Variants in ATG12 observed in about 807,000 individuals in gnomAD.
The protein encoded by ATG12 is autophagy related 12.
In ATG12, 19 loss-of-function variants were observed where a neutral mutation model predicts 17.6. That is an observed-to-expected ratio of 1.08 (90% CI 0.75 to 1.58). The LOEUF (loss-of-function observed/expected upper bound fraction) is 1.58. Among genes scored for constraint, ATG12 ranks in the 40% most tolerant of loss-of-function variants. ATG12 has a pLI of 0.00. For missense variants in ATG12, 214 were observed against 162.0 expected, an observed-to-expected ratio of 1.32 and a Z score of -1.74; for synonymous variants, 75 against 62.4, an observed-to-expected ratio of 1.20 and a Z score of -0.95.
rs1451211291 is a variant in ATG12 at position 115,828,843 on chromosome 5, A to T, written c.*2961T>A. 2 of 152,222 alleles carry T rather than the reference A, an allele frequency of 1.3e-5. No homozygotes were observed. Among genetic ancestry groups the T allele is most frequent in the Non-Finnish European group, 2.9e-5 (2 of 68,032 alleles). 9.4% of individuals were successfully genotyped at this position (152,222 alleles called of 1,614,324 possible). On this transcript the variant is annotated 3_prime_UTR_variant, in exon 4 of 4. Coordinates refer to ENST00000509910, the MANE Select transcript of ATG12 (RefSeq NM_004707.4). ...CATGGCTCTGAGGCAGTATGCAATA[A>T]GTGATTTAATAGTGGTAGTTTGCTC... is the stretch of plus-strand genomic sequence containing the variant.
intron 3 of ATG12, 108 bp downstream of exon 3, chr5:115,832,494 G>A: frequency 2.5e-6 from 3 of 1,210,652 alleles, no homozygotes; most frequent in Non-Finnish European, 3.2e-6. Flanking sequence ...ATAAAAATGT[G>A]AATTAACAAT....
chr5:115,833,310 C>T (rs1164009966), intron 2 of ATG12: 1 of 151,908 alleles, frequency 6.6e-6, no homozygotes, highest in Non-Finnish European at 1.5e-5. Flanking sequence ...ACTTTATTTG[C>T]AGGTAACATA....
Position 115,832,833 on chromosome 5 carries a change from C to T in ATG12, c.301-169G>A, listed in dbSNP as rs1760943805. 19 of 551,704 alleles carry T rather than the reference C, an allele frequency of 3.4e-5. 1 individual carries two copies. In the South Asian group the frequency reaches 9.0e-4, roughly 26 times the overall value. The allele number at this position is 551,704 out of a possible 1,614,324, so 34.2% of individuals were successfully genotyped here. ...AATTTAAAGAGATCATTACGAAGAT[C>T]TCATTTTTCCTCCAGAGGAATAAAA... On this transcript the variant is annotated intron_variant, in intron 2 of 3. Transcript: ENST00000509910.
chr5:115,833,605 G>A (rs910536595), intron 2 of ATG12: 1 of 152,080 alleles, frequency 6.6e-6, no homozygotes, highest in Non-Finnish European at 1.5e-5. Flanking sequence ...GGGTCTGTTA[G>A]GAAAGACAAA....
intron 2 of ATG12, among the ~76,000 whole-genome samples, chr5:115,836,515 C>G (rs1580569528): frequency 6.6e-6 from 1 of 152,204 alleles, no homozygotes; most frequent in South Asian, 2.1e-4. Flanking sequence ...CACTTGCAGC[C>G]AAACTCTTAG....
At chr5:115,834,981 G>A (rs1057196853) in intron 2 of ATG12, 3 of 151,980 alleles carry the variant, frequency 2.0e-5, no homozygotes, top group Non-Finnish European at 2.9e-5. Flanking sequence ...ACAGACTCTT[G>A]TCCAAAGGTT....
At position 115,841,437 on chromosome 5, in the gene ATG12, G is replaced by A. The variant is rs531952545; in HGVS notation, c.116C>T (p.Ala39Val). 10 of 1,610,096 alleles carry A rather than the reference G, an allele frequency of 6.2e-6. No homozygotes were observed. The South Asian group carries it at 8.8e-5, about 14-fold the overall frequency. ...TTTPEPPSSA[A>V]VSPGTEEPAG... ...AGGTTCCTCTGTTCCCGGGGAAACT[G>A]CAGCGGAAGACGGGGGCTCCGGGGT... Residue 39 changes from alanine (A) to valine (V), a missense_variant, in exon 1 of 4, where the codon GCA becomes GTA. Transcript: ENST00000509910.
At chr5:115,840,999 C>A (rs1358494702) in intron 1 of ATG12, 1 of 693,316 alleles carries the variant, frequency 1.4e-6, no homozygotes, top group Non-Finnish European at 2.2e-6. Flanking sequence ...CCAGGCTTTG[C>A]CAATGACCAC....
chr5:115,832,467 G>C, intron 3 of ATG12, 135 bp downstream of exon 3: 1 of 1,042,500 alleles, frequency 9.6e-7, no homozygotes, highest in African/African-American at 1.7e-5. Context: ...ATTAAGAATG[G>C]CATGCCATCT....
At chr5:115,838,789 C>G (rs1187207579) in intron 1 of ATG12, 1 of 152,154 alleles carries the variant, frequency 6.6e-6, no homozygotes, top group Non-Finnish European at 1.5e-5. Context: ...TTTGCTAAAA[C>G]AAAACAAACA....
intron 2 of ATG12, among the ~76,000 whole-genome samples, chr5:115,836,957 A>T (rs1761128054): frequency 6.6e-6 from 1 of 152,232 alleles, no homozygotes. Context: ...CTTTCACAAT[A>T]TATGGCAAAG....
chr5:115,834,607 T>C (rs1450569019), intron 2 of ATG12, among the ~76,000 whole-genome samples: 1 of 152,210 alleles, frequency 6.6e-6, no homozygotes, highest in Non-Finnish European at 1.5e-5. Flanking sequence ...ATTCTGGTTA[T>C]AAAGCTCTCT....
chr5:115,832,046 T>C (rs1760890395), intron 3 of ATG12, among the ~76,000 whole-genome samples, 183 bp from the exon 4 acceptor site: 1 of 152,222 alleles, frequency 6.6e-6, no homozygotes, highest in African/African-American at 2.4e-5. Context: ...CCTAAGTGTT[T>C]AATAAAATCT....
At position 115,828,331 on chromosome 5, in the gene ATG12, T is replaced by C. The variant is rs891468822; in HGVS notation, c.*3473A>G. The stretch of plus-strand genomic sequence containing the variant: ...TTTCAAGGTTTTTGATATTGCCAAA[T>C]GGCCCCCTAAAAGTGATATACCAAC... On this transcript the variant is annotated 3_prime_UTR_variant, in exon 4 of 4. Transcript: ENST00000509910. 2 of 152,206 alleles carry C rather than the reference T, an allele frequency of 1.3e-5. No individual in the cohort carries two copies. Among genetic ancestry groups the C allele is most frequent in the Non-Finnish European group, 2.9e-5 (2 of 68,016 alleles). The allele number at this position is 152,206 out of a possible 1,614,324, so 9.4% of individuals were successfully genotyped here.
intron 2 of ATG12, chr5:115,834,831 C>G (rs1238693127): frequency 1.3e-5 from 2 of 152,176 alleles, no homozygotes; most frequent in Non-Finnish European, 2.9e-5. Context: ...GTAATTTTAA[C>G]AGAATGCATC....
rs576722729 is a variant in ATG12 at position 115,828,525 on chromosome 5, G to A, written c.*3279C>T. The stretch of plus-strand genomic sequence containing the variant: ...GGCCATTTGTATCTTTTTGTGAATC[G>A]AAATTTGGTATGTTTTGCCTATTTT... On this transcript the variant is annotated 3_prime_UTR_variant, in exon 4 of 4. Transcript: ENST00000509910. The A allele has an allele frequency of 4.6e-5, 7 of 152,108 alleles. No individual in the cohort carries two copies. Among genetic ancestry groups the A allele is most frequent in the South Asian group, 4.2e-4 (2 of 4,808 alleles). 9.4% of individuals were successfully genotyped at this position (152,108 alleles called of 1,614,324 possible).
chr5:115,841,252 T>A (rs961266624), intron 1 of ATG12, 138 bp downstream of exon 1: 9 of 1,169,050 alleles, frequency 7.7e-6, no homozygotes, highest in African/African-American at 6.3e-5. Context: ...AAAAGTACAC[T>A]TCTTTTCTTC....
chr5:115,841,177 A>G (rs1761439971), intron 1 of ATG12: 2 of 576,944 alleles, frequency 3.5e-6, no homozygotes, highest in South Asian at 3.5e-5. Context: ...GCAGCCAAGT[A>G]TCAGGCCCTA....
chr5:115,831,737 A>G lies in ATG12; in HGVS notation c.*67T>C. ...TAAGTCTCTTGCCACAAGCATCAAA[A>G]CTTTTCAGAGCTGTCTCTTCCGTGA... On this transcript the variant is annotated 3_prime_UTR_variant, in exon 4 of 4. Coordinates refer to ENST00000509910, the MANE Select transcript of ATG12 (RefSeq NM_004707.4). The G allele has an allele frequency of 6.6e-7, 1 of 1,504,570 alleles. No homozygotes were observed. The allele number at this position is 1,504,570 out of a possible 1,614,324, so 93.2% of individuals were successfully genotyped here.
Sources: allele counts gnomAD v4.1 joint callset (sites outside exome capture counted in the v4.1 genomes callset), GRCh38; gene constraint gnomAD v4.1.1; transcripts MANE v1.5; gene names NCBI Gene and HGNC (gene_info 2026-07-23, HGNC 2026-07-21).